The following ENOX1 variants were observed in gnomAD, a reference collection of about 807,000 sequenced individuals.
The protein encoded by ENOX1 is candidate growth-related and time keeping constitutive hydroquinone (NADH) oxidase.
ENOX1 carries 42 observed loss-of-function variants against 82.5 expected under a neutral mutation model. The ratio of observed to expected loss-of-function variants is 0.51; its 90% confidence interval spans 0.40 to 0.66. The LOEUF (loss-of-function observed/expected upper bound fraction) is 0.66, where lower values mean the gene tolerates loss of function less well. Among genes scored for constraint, ENOX1 ranks in the 30% least tolerant of loss-of-function variants. The pLI, the probability that ENOX1 is intolerant of heterozygous loss-of-function variation, is 0.00. For synonymous variants in ENOX1, 271 were observed against 282.2 expected, an observed-to-expected ratio of 0.96 and a Z score of 0.40; for missense variants, 608 against 811.6, an observed-to-expected ratio of 0.75 and a Z score of 3.05.
chr13:43,575,165 A>T (rs2080363350), intron 2 of ENOX1, among the ~76,000 whole-genome samples: 1 of 152,242 alleles, frequency 6.6e-6, no homozygotes, highest in Non-Finnish European at 1.5e-5. Context: ...AACTTCACTG[A>T]AAAAGAAACC....
At chr13:43,280,115 T>G (rs1425225225) in intron 12 of ENOX1, among the ~76,000 whole-genome samples, 5 of 152,240 alleles carry the variant, frequency 3.3e-5, no homozygotes, top group Non-Finnish European at 7.3e-5. Flanking sequence ...CAGTTGTTAA[T>G]GTAGAAATTT....
At chr13:43,248,283 G>A (rs1299251656) in intron 14 of ENOX1, among the ~76,000 whole-genome samples, 1 of 152,016 alleles carries the variant, frequency 6.6e-6, no homozygotes, top group Non-Finnish European at 1.5e-5. Flanking sequence ...CCTCATGGGT[G>A]AAAATGACTG....
At chr13:43,374,237 ATCTTT>A (rs1399713332) in intron 5 of ENOX1, among the ~76,000 whole-genome samples, 7 of 106,410 alleles carry the variant, frequency 6.6e-5, no homozygotes, top group South Asian at 2.9e-4. Context: ...TCTTTCTTTT[ATCTTT>A]TCTTTTCTTT....
At chr13:43,657,132 G>A in intron 2 of ENOX1, among the ~76,000 whole-genome samples, 1 of 152,224 alleles carries the variant, frequency 6.6e-6, no homozygotes, top group East Asian at 1.9e-4. Flanking sequence ...TAAAAACAAA[G>A]TTGAAAGCGG....
At chr13:43,289,462 G>T (rs565970058) in intron 12 of ENOX1, among the ~76,000 whole-genome samples, 1 of 152,104 alleles carries the variant, frequency 6.6e-6, no homozygotes, top group African/African-American at 2.4e-5. Flanking sequence ...ACAAAAACAA[G>T]CAATGGGGAA....
chr13:43,467,310 ATATAC>A (rs1415383501), intron 3 of ENOX1, among the ~76,000 whole-genome samples: 1 of 152,164 alleles, frequency 6.6e-6, no homozygotes, highest in Admixed American at 6.5e-5. Context: ...CTACATTACT[ATATAC>A]TATATTACTA....
At chr13:43,367,031 T>C (rs1457327874) in intron 5 of ENOX1, among the ~76,000 whole-genome samples, 3 of 152,210 alleles carry the variant, frequency 2.0e-5, no homozygotes, top group African/African-American at 7.2e-5. Context: ...TACAAAGTCT[T>C]TCATTTGACA....
intron 1 of ENOX1, among the ~76,000 whole-genome samples, chr13:43,679,350 T>C (rs1280717018): frequency 6.6e-6 from 1 of 152,136 alleles, no homozygotes; most frequent in Non-Finnish European, 1.5e-5. Context: ...CTTTGAGGGT[T>C]TACCAGGAAC....
intron 1 of ENOX1, among the ~76,000 whole-genome samples, chr13:43,739,610 G>A (rs528756713): frequency 6.6e-6 from 1 of 151,400 alleles, no homozygotes; most frequent in South Asian, 2.1e-4. Context: ...ATATAAACGT[G>A]TGTGGGAGTT....
intron 9 of ENOX1, among the ~76,000 whole-genome samples, chr13:43,335,883 A>C (rs2048678789): frequency 6.6e-6 from 1 of 151,980 alleles, no homozygotes; most frequent in Non-Finnish European, 1.5e-5. Flanking sequence ...CTCATCCTTG[A>C]TGCTGAAGTT....
At chr13:43,345,671 A>G (rs1052205383) in intron 8 of ENOX1, among the ~76,000 whole-genome samples, 61 of 152,304 alleles carry the variant, frequency 4.0e-4, no homozygotes, top group African/African-American at 1.4e-3. Context: ...TAGAACATTA[A>G]CCAATCTGAC....
intron 1 of ENOX1, among the ~76,000 whole-genome samples, chr13:43,781,744 C>G (rs1307147924): frequency 6.6e-6 from 1 of 152,194 alleles, no homozygotes; most frequent in Non-Finnish European, 1.5e-5. Flanking sequence ...CTCCCGACAT[C>G]AGGTGAACTG....
At chr13:43,261,044 T>C (rs1267609372) in intron 14 of ENOX1, among the ~76,000 whole-genome samples, 2 of 152,210 alleles carry the variant, frequency 1.3e-5, no homozygotes, top group East Asian at 3.8e-4. Context: ...GTTTTAAATC[T>C]GCTTTCAGAA....
intron 1 of ENOX1, among the ~76,000 whole-genome samples, chr13:43,728,219 CCTT>C (rs2089110282): frequency 2.0e-5 from 3 of 152,152 alleles, no homozygotes; most frequent in Admixed American, 2.0e-4. Flanking sequence ...AGTCAGAGAA[CCTT>C]CTTTTTCTTG....
At chr13:43,284,773 T>TA in intron 12 of ENOX1, among the ~76,000 whole-genome samples, 1 of 2,594 alleles carries the variant, frequency 3.9e-4, no homozygotes, top group East Asian at 0.071. Flanking sequence ...TTGTTAAAGG[T>TA]GTGTGTGTGT....
intron 1 of ENOX1, among the ~76,000 whole-genome samples, chr13:43,766,002 C>T (rs1446556628): frequency 6.6e-6 from 1 of 152,140 alleles, no homozygotes; most frequent in Non-Finnish European, 1.5e-5. Flanking sequence ...TCTTATGACA[C>T]TAAAACTAAA....
At chr13:43,367,806 G>T (rs1566051476) in intron 5 of ENOX1, among the ~76,000 whole-genome samples, 1 of 152,100 alleles carries the variant, frequency 6.6e-6, no homozygotes, top group Non-Finnish European at 1.5e-5. Context: ...AGCTGACCAG[G>T]TTCTTGAAAA....
intron 2 of ENOX1, among the ~76,000 whole-genome samples, chr13:43,569,604 G>C (rs376479817): frequency 6.6e-6 from 1 of 151,672 alleles, no homozygotes; most frequent in African/African-American, 2.4e-5. Flanking sequence ...AGATTGAGAC[G>C]ACAACTCATC....
At chr13:43,422,403 G>C (rs567468416) in intron 3 of ENOX1, among the ~76,000 whole-genome samples, 70 of 152,158 alleles carry the variant, frequency 4.6e-4, no homozygotes, top group Admixed American at 8.5e-4. Context: ...GAAAGGAAAA[G>C]TTTCCATTTG....
Sources: allele counts gnomAD v4.1 joint callset (sites outside exome capture counted in the v4.1 genomes callset), GRCh38; gene constraint gnomAD v4.1.1; transcripts MANE v1.5; gene names NCBI Gene and HGNC (gene_info 2026-07-23, HGNC 2026-07-21).